RBMS3: variants seen among roughly 807,000 people sequenced by gnomAD.
RBMS3 encodes RNA-binding motif, single-stranded-interacting protein 3.
In RBMS3, 27 loss-of-function variants were observed where a neutral mutation model predicts 66.8. The ratio of observed to expected loss-of-function variants is 0.40; its 90% CI spans 0.30 to 0.56. RBMS3 has a LOEUF of 0.56. Among genes scored for constraint, RBMS3 ranks in the 20% least tolerant of loss-of-function variants. RBMS3 has a pLI of 0.40. For synonymous variants in RBMS3, 188 were observed against 183.0 expected, an observed-to-expected ratio of 1.03 and a Z score of -0.22; for missense variants, 513 against 549.5, an observed-to-expected ratio of 0.93 and a Z score of 0.66.
chr3:29,966,180 T>G (rs950148358), intron 12 of RBMS3, among the ~76,000 whole-genome samples: 5 of 152,192 alleles, frequency 3.3e-5, no homozygotes, highest in African/African-American at 1.2e-4. Context: ...TTTGTTATTT[T>G]TGCTTTGGCT....
chr3:29,499,159 T>G (rs964071608), intron 3 of RBMS3, among the ~76,000 whole-genome samples: 14 of 152,174 alleles, frequency 9.2e-5, no homozygotes, highest in Non-Finnish European at 1.5e-5. Context: ...TTTACAAGTT[T>G]AAAGGAAAAA....
chr3:29,468,680 T>G (rs1175658979), intron 2 of RBMS3, among the ~76,000 whole-genome samples: 3 of 152,210 alleles, frequency 2.0e-5, no homozygotes, highest in African/African-American at 7.2e-5. Flanking sequence ...CTCTCCTAAC[T>G]AGTTTATTTC....
rs77552384 is a variant in RBMS3 at position 29,747,703 on chromosome 3, A to C, written c.557+7826A>C. Among the ~76,000 whole-genome samples, 624 of 152,320 alleles carry C rather than the reference A, an allele frequency of 4.1e-3. 15 individuals carry two copies. The highest frequency in any genetic ancestry group is 0.035 in the Admixed American group (531 of 15,304). ...AGGGCAGAATTTATTAAGTGAAAGG[A>C]AAACTCTCAGCAAAGAAAGGGGTAG... On this transcript the variant is annotated intron_variant, in intron 5 of 14. Coordinates refer to ENST00000383767, the MANE Select transcript of RBMS3 (RefSeq NM_001003793.3).
At chr3:29,975,064 CTATAT>C (rs1697485975) in intron 12 of RBMS3, among the ~76,000 whole-genome samples, 1 of 108,724 alleles carries the variant, frequency 9.2e-6, no homozygotes, top group African/African-American at 4.8e-5. Context: ...AAATATGTTT[CTATAT>C]ATATTTTATA....
At chr3:29,325,546 G>GTGTATATATGTGTGTATGTA (rs1291010568) in intron 1 of RBMS3, among the ~76,000 whole-genome samples, 1 of 151,370 alleles carries the variant, frequency 6.6e-6, no homozygotes, top group Admixed American at 6.6e-5. Context: ...ATATACATGT[G>GTGTATATATGTGTGTATGTA]TGTATATATG....
At chr3:29,653,686 G>T (rs1280906975) in intron 4 of RBMS3, among the ~76,000 whole-genome samples, 1 of 152,078 alleles carries the variant, frequency 6.6e-6, no homozygotes, top group Non-Finnish European at 1.5e-5. Flanking sequence ...AAAAGTTGAA[G>T]TTTTTTGTTT....
intron 2 of RBMS3, among the ~76,000 whole-genome samples, chr3:29,472,226 G>A (rs76308111): frequency 0.024 from 3,426 of 144,442 alleles, 141 homozygotes; most frequent in East Asian, 0.16. Flanking sequence ...ATGGGGTCTC[G>A]CTCTGTCGAC....
chr3:29,767,694 T>C (rs1167446795), intron 6 of RBMS3, among the ~76,000 whole-genome samples: 1 of 150,784 alleles, frequency 6.6e-6, no homozygotes, highest in Non-Finnish European at 1.5e-5. Context: ...TACAAAATGA[T>C]TTTTTAAATG....
chr3:29,547,767 A>G (rs1297577920), intron 3 of RBMS3, among the ~76,000 whole-genome samples: 1 of 151,058 alleles, frequency 6.6e-6, no homozygotes, highest in African/African-American at 2.4e-5. Flanking sequence ...GAGTCAGGTC[A>G]TACTAAATTC....
intron 5 of RBMS3, among the ~76,000 whole-genome samples, chr3:29,749,316 T>C (rs2055070201): frequency 6.6e-6 from 1 of 152,208 alleles, no homozygotes; most frequent in Admixed American, 6.5e-5. Context: ...ATAGTTTTCT[T>C]CTGAAACATT....
chr3:29,527,880 A>T (rs1438176043), intron 3 of RBMS3, among the ~76,000 whole-genome samples: 2 of 149,020 alleles, frequency 1.3e-5, no homozygotes, highest in Admixed American at 6.9e-5. Flanking sequence ...ACAAACCTGC[A>T]CATTGTGCAC....
At chr3:29,959,053 C>G (rs1005679030) in intron 12 of RBMS3, among the ~76,000 whole-genome samples, 1 of 152,134 alleles carries the variant, frequency 6.6e-6, no homozygotes, top group African/African-American at 2.4e-5. Context: ...CTCATCCCAT[C>G]TTAATGCTGA....
chr3:29,442,605 G>C (rs969518744), intron 2 of RBMS3, among the ~76,000 whole-genome samples: 5 of 152,166 alleles, frequency 3.3e-5, no homozygotes, highest in Non-Finnish European at 7.4e-5. Flanking sequence ...GGAGCTCAGA[G>C]AGGTGGAATT....
chr3:29,383,140 G>T lies in RBMS3; in HGVS notation c.76-51603G>T, dbSNP rs375965516. Among the ~76,000 whole-genome samples the T allele has an allele frequency of 1.9e-4, 29 of 152,256 alleles. No individual in the cohort carries two copies. In the East Asian group the frequency reaches 5.0e-3, roughly 26 times the overall value. On this transcript the variant is annotated intron_variant, in intron 1 of 14. Transcript: ENST00000383767. Reference sequence around the variant, plus strand: ...TGATGTATTCTGTTAAAATAACAATGCCTTTTATTTTAAGGACACTACTTA... The same window carrying T: ...TGATGTATTCTGTTAAAATAACAATTCCTTTTATTTTAAGGACACTACTTA...
intron 6 of RBMS3, among the ~76,000 whole-genome samples, chr3:29,795,865 AG>A (rs920410301): frequency 1.3e-5 from 2 of 152,216 alleles, no homozygotes; most frequent in African/African-American, 4.8e-5. Flanking sequence ...ATTTTACCAA[AG>A]GGAATTAAAT....
chr3:29,802,604 C>A (rs546446231), intron 6 of RBMS3, among the ~76,000 whole-genome samples: 37 of 152,256 alleles, frequency 2.4e-4, no homozygotes, highest in African/African-American at 8.4e-4. Flanking sequence ...TGAAATAAAG[C>A]AATAGTTATT....
chr3:29,468,440 C>T (rs2042611959), intron 2 of RBMS3, among the ~76,000 whole-genome samples: 1 of 152,200 alleles, frequency 6.6e-6, no homozygotes, highest in Middle Eastern at 3.4e-3. Context: ...GTGGCATTAA[C>T]CTAATCTGGA....
chr3:29,801,698 C>T (rs2057397063), intron 6 of RBMS3, among the ~76,000 whole-genome samples: 1 of 152,140 alleles, frequency 6.6e-6, no homozygotes, highest in Non-Finnish European at 1.5e-5. Flanking sequence ...AATTCCTTCT[C>T]ACTGTATTTT....
intron 1 of RBMS3, among the ~76,000 whole-genome samples, chr3:29,338,812 T>C (rs1222320189): frequency 6.6e-6 from 1 of 152,012 alleles, no homozygotes; most frequent in African/African-American, 2.4e-5. Context: ...GAGTAATGTC[T>C]CTTAAGAACC....
Sources: gnomAD v4.1 joint callset for allele counts (sites outside exome capture counted in the v4.1 genomes callset) on GRCh38, gnomAD v4.1.1 for gene constraint, MANE v1.5 for transcripts, NCBI Gene and HGNC (gene_info 2026-07-23, HGNC 2026-07-21) for gene names.